CCDC149: variants seen among roughly 807,000 people sequenced by gnomAD.
CCDC149 encodes coiled-coil domain containing 149.
Under a neutral mutation model 59.9 loss-of-function variants are expected in CCDC149, and 45 were observed. That is an observed-to-expected ratio of 0.75 (90% CI 0.59 to 0.96). The LOEUF (loss-of-function observed/expected upper bound fraction) is 0.96. Among genes scored for constraint, CCDC149 ranks in the 40% least tolerant of loss-of-function variants. The pLI is 0.00. For missense variants in CCDC149, 584 were observed against 664.7 expected (o/e 0.88, Z 1.33); for synonymous variants, 245 against 260.6 (o/e 0.94, Z 0.58).
chr4:24,819,966 T>C lies in CCDC149; in HGVS notation c.1085A>G (p.Asp362Gly), dbSNP rs960072025. The C allele has an allele frequency of 1.3e-6, 2 of 1,548,586 alleles. No homozygotes were observed. The highest frequency in any genetic ancestry group is 1.7e-6 in the Non-Finnish European group (2 of 1,145,388). ...AGTGGGGTCGCTGAACAGTATGGTG[T>C]CCTTGCCCCCTGTTGCAGAAAAGAG... Residue 362 changes from aspartate to glycine, a missense_variant, in exon 12 of 13, where the codon GAC becomes GGC. By Grantham distance (94) the Asp-to-Gly change is moderately conservative. Coordinates refer to ENST00000635206, the MANE Select transcript of CCDC149 (RefSeq NM_001330643.2).
chr4:24,835,098 G>A (rs1716420750), intron 7 of CCDC149, 66 bp from the exon 8 acceptor site: 2 of 1,104,150 alleles, frequency 1.8e-6, no homozygotes, highest in Non-Finnish European at 2.7e-6. Context: ...GTACCTAGCA[G>A]ATGCCTTCTC....
At chr4:24,821,404 A>G (rs1006418778) in intron 10 of CCDC149, among the ~76,000 whole-genome samples, 2 of 152,216 alleles carry the variant, frequency 1.3e-5, no homozygotes, top group Non-Finnish European at 2.9e-5. Context: ...TTTTAACAGC[A>G]TCAAAAGATT....
At chr4:24,824,542 T>C (rs1237280970) in intron 9 of CCDC149, among the ~76,000 whole-genome samples, 1 of 152,206 alleles carries the variant, frequency 6.6e-6, no homozygotes, top group African/African-American at 2.4e-5. Context: ...GTACATGGTA[T>C]TGTTATCCTC....
At chr4:24,978,823 G>A (rs1424537897) in intron 1 of CCDC149, among the ~76,000 whole-genome samples, 1 of 152,216 alleles carries the variant, frequency 6.6e-6, no homozygotes, top group Admixed American at 6.5e-5. Flanking sequence ...TTGGTAAAAT[G>A]CCCCATATCC....
At chr4:24,858,812 G>C (rs774139162) in intron 3 of CCDC149, among the ~76,000 whole-genome samples, 3 of 152,160 alleles carry the variant, frequency 2.0e-5, no homozygotes, top group Non-Finnish European at 4.4e-5. Context: ...GAAATTGATA[G>C]AGCTGTCGGA....
chr4:24,875,873 G>C (rs1719383673), intron 2 of CCDC149, among the ~76,000 whole-genome samples: 1 of 152,158 alleles, frequency 6.6e-6, no homozygotes, highest in East Asian at 1.9e-4. Context: ...CAAGTAAACA[G>C]TCACACATAC....
At chr4:24,909,485 C>A (rs1027065743) in intron 1 of CCDC149, among the ~76,000 whole-genome samples, 1 of 152,166 alleles carries the variant, frequency 6.6e-6, no homozygotes, top group Non-Finnish European at 1.5e-5. Flanking sequence ...AGGGGAATTA[C>A]CTGGGCAGCT....
intron 1 of CCDC149, among the ~76,000 whole-genome samples, chr4:24,900,642 C>A (rs992717845): frequency 1.3e-5 from 2 of 152,238 alleles, no homozygotes; most frequent in African/African-American, 4.8e-5. Flanking sequence ...AATATCTACA[C>A]AGAGATACAG....
At chr4:24,910,094 T>C (rs1721785960) in intron 1 of CCDC149, among the ~76,000 whole-genome samples, 1 of 152,212 alleles carries the variant, frequency 6.6e-6, no homozygotes, top group Admixed American at 6.5e-5. Flanking sequence ...CAACAGTTGT[T>C]TTTTTCTGGG....
intron 1 of CCDC149, among the ~76,000 whole-genome samples, chr4:24,940,367 G>A (rs1170285734): frequency 6.6e-6 from 1 of 152,140 alleles, no homozygotes; most frequent in African/African-American, 2.4e-5. Context: ...TCACCACCAG[G>A]CCTGCCCTAA....
rs1717775024 is a variant in CCDC149, at chr4:24,853,172, A to G, written c.272T>C (p.Leu91Pro). ...CTGAGAATCTCTCAATAGTTGTGCAAGATTAGCCTAGAAATATCAACACAT... is the reference window on the plus strand; with the variant it reads ...CTGAGAATCTCTCAATAGTTGTGCAGGATTAGCCTAGAAATATCAACACAT... Residue 91 changes from leucine to proline, a missense_variant, in exon 4 of 13, where the codon CTT (leucine) becomes CCT (proline). Coordinates refer to ENST00000635206, the MANE Select transcript of CCDC149 (RefSeq NM_001330643.2). 6.2e-7 allele frequency: 1 copy of G among 1,601,708 alleles called. No homozygotes were observed. The highest frequency in any genetic ancestry group is 1.1e-5 in the South Asian group (1 of 90,834).
downstream of CCDC149, among the ~76,000 whole-genome samples, chr4:24,804,911 G>A (rs1035623641): frequency 3.9e-5 from 6 of 152,134 alleles, no homozygotes; most frequent in Admixed American, 2.0e-4. Flanking sequence ...GGGTCCAGCC[G>A]GCATTGAGCT....
In CCDC149 at chr4:24,816,500, T is replaced by C. The variant is rs970289360; in HGVS notation, c.1192+3359A>G. 8.5e-5 allele frequency among the ~76,000 whole-genome samples: 13 copies of C among 152,308 alleles called. No individual in the cohort carries two copies. The East Asian group carries it at 2.3e-3, about 27-fold the overall frequency. The stretch of plus-strand genomic sequence containing the variant: ...GTTGAGCTATCACTGGGACCTCTGG[T>C]TACTTGCTGTGGGAGCAAAATCCTC... On this transcript the variant is annotated intron_variant, in intron 12 of 12. Transcript: ENST00000635206.
intron 1 of CCDC149, among the ~76,000 whole-genome samples, chr4:24,898,343 G>A (rs1243040536): frequency 6.6e-6 from 1 of 152,170 alleles, no homozygotes; most frequent in African/African-American, 2.4e-5. Flanking sequence ...AGGTATTGGA[G>A]AAGTCAGGAG....
At chr4:24,912,753 G>A in intron 1 of CCDC149, 64 bp downstream of exon 1, 2 of 1,137,648 alleles carry the variant, frequency 1.8e-6, no homozygotes, top group Non-Finnish European at 1.1e-6. Flanking sequence ...CTCTGGGGGC[G>A]CGGGCCCGGG....
chr4:24,934,960 G>A (rs1211332788), intron 1 of CCDC149, among the ~76,000 whole-genome samples: 2 of 152,200 alleles, frequency 1.3e-5, no homozygotes, highest in African/African-American at 4.8e-5. Flanking sequence ...AATGTGATGA[G>A]AACCTCTCAT....
chr4:24,947,395 T>C (rs1386065454), intron 1 of CCDC149, among the ~76,000 whole-genome samples: 1 of 152,240 alleles, frequency 6.6e-6, no homozygotes, highest in African/African-American at 2.4e-5. Flanking sequence ...CCTTCTGCCA[T>C]GACTGTAGGT....
intron 1 of CCDC149, among the ~76,000 whole-genome samples, chr4:24,879,865 T>C (rs915754498): frequency 6.6e-6 from 1 of 152,158 alleles, no homozygotes; most frequent in African/African-American, 2.4e-5. Flanking sequence ...CAGCCCATAC[T>C]TTAAAAACTC....
At chr4:24,813,501 T>TATATATATATATATATAC (rs1553846373) in intron 12 of CCDC149, among the ~76,000 whole-genome samples, 57 of 42,094 alleles carry the variant, frequency 1.4e-3, no homozygotes, top group African/African-American at 3.9e-3. Context: ...TATATATATA[T>TATATATATATATATATAC]ATATATATAT....
Sources: allele counts gnomAD v4.1 joint callset (sites outside exome capture counted in the v4.1 genomes callset), GRCh38; gene constraint gnomAD v4.1.1; transcripts MANE v1.5; gene names NCBI Gene and HGNC (gene_info 2026-07-23, HGNC 2026-07-21).